Variants in CTNNA1 observed in about 807,000 individuals in gnomAD.
CTNNA1 encodes catenin alpha-1.
CTNNA1 carries 37 observed loss-of-function variants against 98.4 expected under a neutral mutation model. The ratio of observed to expected loss-of-function variants is 0.38; its 90% CI spans 0.29 to 0.49. The LOEUF is 0.49. Ranked by LOEUF, CTNNA1 falls within the 20% of genes least tolerant of loss-of-function variation. The pLI is 0.95. For synonymous variants in CTNNA1, 404 were observed against 413.2 expected (o/e 0.98, Z 0.27); for missense variants, 761 against 1,147.2 (o/e 0.66, Z 4.86).
intron 10 of CTNNA1, among the ~76,000 whole-genome samples, chr5:138,913,821 TG>T (rs1761167365): frequency 6.6e-6 from 1 of 152,148 alleles, no homozygotes; most frequent in East Asian, 1.9e-4. Context: ...CTCAGTGTCA[TG>T]TTGGATGATT....
intron 11 of CTNNA1, among the ~76,000 whole-genome samples, chr5:138,919,004 G>A (rs1762382557): frequency 1.3e-5 from 2 of 152,186 alleles, no homozygotes; most frequent in African/African-American, 4.8e-5. Context: ...CTTAGGATGG[G>A]TAGCCTTGGC....
In CTNNA1 at chr5:138,880,025, G is replaced by A. The variant is rs191832538; in HGVS notation, c.1063-6187G>A. 2.0e-5 allele frequency among the ~76,000 whole-genome samples: 3 copies of A among 152,344 alleles called. No homozygotes were observed. In the East Asian group the frequency reaches 5.8e-4, roughly 29 times the overall value. On this transcript the variant is annotated intron_variant, in intron 7 of 17. Transcript: ENST00000302763. ...AGATAGTTCAGCAAGAAATCTTGGA[G>A]CAATGCGTCTAAGTTGGGCATTAGG...
chr5:138,830,220 G>C (rs1032574367), intron 7 of CTNNA1, among the ~76,000 whole-genome samples: 5 of 150,844 alleles, frequency 3.3e-5, no homozygotes, highest in Non-Finnish European at 7.4e-5. Context: ...AATTAGCCAG[G>C]CGTGGTGTGG....
intron 1 of CTNNA1, among the ~76,000 whole-genome samples, chr5:138,781,278 C>T (rs750327516): frequency 3.9e-5 from 6 of 152,086 alleles, no homozygotes; most frequent in African/African-American, 7.2e-5. Context: ...TGGCCGGGTG[C>T]GGTGGCTCAC....
chr5:138,837,470 T>A (rs939722531), intron 7 of CTNNA1, among the ~76,000 whole-genome samples: 4 of 81,524 alleles, frequency 4.9e-5, no homozygotes, highest in Non-Finnish European at 4.6e-5. Flanking sequence ...CTCCTCCCCC[T>A]CCTCTTGATC....
rs1335939570 is a variant in CTNNA1, at chr5:138,924,656, C to T, written c.1693C>T (p.Pro565Ser). 2 of 1,607,724 alleles carry T rather than the reference C, an allele frequency of 1.2e-6. No individual in the cohort carries two copies. Among genetic ancestry groups the T allele is most frequent in the East Asian group, 4.5e-5 (2 of 44,722 alleles). Residue 565 changes from proline (P) to serine (S), a missense_variant, in exon 12 of 18, where the codon CCA (proline) becomes TCA (serine). Pro to Ser is a moderately conservative substitution (Grantham distance 74, BLOSUM62 -1). Around this residue, in one of 6 missense-constraint regions of CTNNA1, gnomAD observed 287 missense variants for 436.0 expected, o/e 0.66. Coordinates refer to ENST00000302763, the MANE Select transcript of CTNNA1 (RefSeq NM_001903.5). Reference sequence around the variant, plus strand: ...CACCTCAGAGATGGACAACTATGAGCCAGGAGTCTACACAGAGAAGGTTCT... The same window carrying T: ...CACCTCAGAGATGGACAACTATGAGTCAGGAGTCTACACAGAGAAGGTTCT... ...VVTSEMDNYE[P>S]GVYTEKVLEA...
At chr5:138,805,713 G>A (rs1041876744) in intron 3 of CTNNA1, among the ~76,000 whole-genome samples, 11 of 151,572 alleles carry the variant, frequency 7.3e-5, no homozygotes, top group Admixed American at 5.3e-4. Flanking sequence ...AGCCTCTCAA[G>A]TAGCTAGGAC....
chr5:138,763,836 G>A (rs1160415716), intron 1 of CTNNA1, among the ~76,000 whole-genome samples: 1 of 152,210 alleles, frequency 6.6e-6, no homozygotes, highest in African/African-American at 2.4e-5. Context: ...TTGCGTCTGT[G>A]GACCTGGGTT....
chr5:138,806,934 G>A (rs1014073323), intron 3 of CTNNA1, among the ~76,000 whole-genome samples: 2 of 151,374 alleles, frequency 1.3e-5, no homozygotes, highest in East Asian at 3.9e-4. Flanking sequence ...GTAAGCAAAG[G>A]CTAATACCAC....
In CTNNA1 at chr5:138,772,663, C is replaced by T. The variant is rs79751224; in HGVS notation, c.-2-9260C>T. ...AAAGAAACATAGGCATGGTTATCAT[C>T]CTTACACTTAAAATATAGCTCTGAA... is the stretch of plus-strand genomic sequence containing the variant. On this transcript the variant is annotated intron_variant, in intron 1 of 17. Transcript: ENST00000302763. 3.1e-4 allele frequency among the ~76,000 whole-genome samples: 47 copies of T among 152,306 alleles called. No individual in the cohort carries two copies. The East Asian group carries it at 9.1e-3, about 29-fold the overall frequency.
chr5:138,932,692 G>A lies in CTNNA1; in HGVS notation c.2413G>A (p.Gly805Arg), dbSNP rs1297469358. The change falls in exon 17 of 18, where the codon GGG (glycine) becomes AGG (arginine). Residue 805 changes from glycine (G) to arginine (R), a missense_variant. Coordinates refer to ENST00000302763, the MANE Select transcript of CTNNA1 (RefSeq NM_001903.5). ...KVKAEVQNLGGELVVSGVDSA... is the reference protein window; with the variant it reads ...KVKAEVQNLGRELVVSGVDSA... ...CAAGGCCGAGGTGCAGAATCTCGGC[G>A]GGGAGCTTGTTGTCTCTGGGGTAAG... The A allele has an allele frequency of 3.1e-6, 5 of 1,614,056 alleles. No homozygotes were observed. Among genetic ancestry groups the A allele is most frequent in the Non-Finnish European group, 2.5e-6 (3 of 1,180,044 alleles).
At chr5:138,793,970 G>A (rs1464233385) in intron 3 of CTNNA1, among the ~76,000 whole-genome samples, 1 of 149,250 alleles carries the variant, frequency 6.7e-6, no homozygotes, top group Non-Finnish European at 1.5e-5. Flanking sequence ...TGGGCTTATA[G>A]TATTTAAATA....
chr5:138,773,916 C>T (rs1178306752), intron 1 of CTNNA1, among the ~76,000 whole-genome samples: 1 of 152,132 alleles, frequency 6.6e-6, no homozygotes. Context: ...CAAAGTCTCA[C>T]TCTGTCGCCC....
intron 3 of CTNNA1, among the ~76,000 whole-genome samples, chr5:138,786,386 TC>T (rs1283898985): frequency 6.6e-6 from 1 of 152,204 alleles, no homozygotes; most frequent in Admixed American, 6.5e-5. Flanking sequence ...GATTGCTTAA[TC>T]AACTGAGACT....
chr5:138,811,653 C>T (rs184596834), intron 4 of CTNNA1, among the ~76,000 whole-genome samples: 56 of 152,236 alleles, frequency 3.7e-4, no homozygotes, highest in Admixed American at 2.4e-3. Context: ...AACCAGACTC[C>T]GTCTGCAATC....
intron 7 of CTNNA1, among the ~76,000 whole-genome samples, chr5:138,845,966 G>T (rs918639310): frequency 6.6e-6 from 1 of 151,856 alleles, no homozygotes; most frequent in African/African-American, 2.4e-5. Flanking sequence ...TCGCTGTCTG[G>T]CCCAGGCTGG....
chr5:138,783,310 C>T lies in CTNNA1; in HGVS notation c.239C>T (p.Ala80Val), dbSNP rs200135015. 9.3e-6 allele frequency: 15 copies of T among 1,613,946 alleles called. No homozygotes were observed. Among genetic ancestry groups the T allele is most frequent in the East Asian group, 4.5e-5 (2 of 44,870 alleles). Residue 80 changes from alanine (A) to valine (V), a missense_variant, in exon 3 of 18, where the codon GCG becomes GTG. Coordinates refer to ENST00000302763, the MANE Select transcript of CTNNA1 (RefSeq NM_001903.5). ...ENFLEKGDKI[A>V]KESQFLKEEL... Reference sequence around the variant, plus strand: ...TTCTTGGAGAAGGGGGATAAAATTGCGAAGGAGAGCCAGTTTCTCAAGGAG... The same window carrying T: ...TTCTTGGAGAAGGGGGATAAAATTGTGAAGGAGAGCCAGTTTCTCAAGGAG...
chr5:138,821,430 T>C (rs2149765101), intron 5 of CTNNA1, among the ~76,000 whole-genome samples: 1 of 152,372 alleles, frequency 6.6e-6, no homozygotes, highest in South Asian at 2.1e-4. Context: ...TCTTGCCTTT[T>C]GTGATTATTT....
chr5:138,861,326 C>T (rs1180932566), intron 7 of CTNNA1, among the ~76,000 whole-genome samples: 2 of 152,148 alleles, frequency 1.3e-5, no homozygotes, highest in African/African-American at 2.4e-5. Flanking sequence ...TGGCTCTGAA[C>T]GCACTTCTTA....
Sources: allele counts gnomAD v4.1 joint callset (sites outside exome capture counted in the v4.1 genomes callset), GRCh38; gene constraint gnomAD v4.1.1; regional missense constraint gnomAD v4.1.1; transcripts MANE v1.5; gene names NCBI Gene and HGNC (gene_info 2026-07-23, HGNC 2026-07-21).